Variants in ADAM22 observed in about 807,000 individuals in gnomAD.
The protein encoded by ADAM22 is disintegrin and metalloproteinase domain-containing protein 22.
Under a neutral mutation model 144.6 loss-of-function variants are expected in ADAM22, and 65 were observed. That is an observed-to-expected ratio of 0.45 (90% CI 0.37 to 0.55). The LOEUF (loss-of-function observed/expected upper bound fraction) is 0.55, where lower values mean the gene tolerates loss of function less well. Among genes scored for constraint, ADAM22 ranks in the 20% least tolerant of loss-of-function variants. The probability of loss-of-function intolerance (pLI) is 0.00; values close to 1 mark genes in which losing one functional copy is unlikely to be tolerated. For missense variants in ADAM22, 974 were observed against 1,184.9 expected (o/e 0.82, Z 2.61); for synonymous variants, 391 against 412.6 (o/e 0.95, Z 0.63).
At chr7:87,982,683 ATATATATATATATATAAT>A (rs1853883466) in intron 3 of ADAM22, among the ~76,000 whole-genome samples, 6 of 66,796 alleles carry the variant, frequency 9.0e-5, no homozygotes, top group Admixed American at 2.6e-4. Flanking sequence ...ATATATATAT[ATATATATATATATATAAT>A]TTTTTTTTTT....
intron 17 of ADAM22, among the ~76,000 whole-genome samples, chr7:88,148,689 A>G (rs1837331304): frequency 6.6e-6 from 1 of 152,174 alleles, no homozygotes; most frequent in African/African-American, 2.4e-5. Context: ...AGCTATTAGT[A>G]CAGAAAAATT....
At chr7:88,133,843 A>G (rs1047443734) in intron 12 of ADAM22, among the ~76,000 whole-genome samples, 1 of 152,204 alleles carries the variant, frequency 6.6e-6, no homozygotes, top group African/African-American at 2.4e-5. Context: ...TTAAGTTTCT[A>G]TTGGCCGAAG....
intron 3 of ADAM22, among the ~76,000 whole-genome samples, chr7:87,980,721 G>A: frequency 6.6e-6 from 1 of 152,184 alleles, no homozygotes; most frequent in Admixed American, 6.5e-5. Flanking sequence ...TAACCTTTGA[G>A]TAGTAACTTC....
intron 3 of ADAM22, among the ~76,000 whole-genome samples, chr7:88,017,535 A>G (rs1378342134): frequency 6.6e-6 from 1 of 152,100 alleles, no homozygotes; most frequent in Non-Finnish European, 1.5e-5. Context: ...AGGTTTATTC[A>G]TTTTAGTTTG....
chr7:87,953,613 G>A (rs974435532), intron 2 of ADAM22, among the ~76,000 whole-genome samples: 36 of 152,184 alleles, frequency 2.4e-4, no homozygotes, highest in African/African-American at 4.8e-4. Context: ...AAGAATGTAT[G>A]TTCTGTTGAT....
intron 3 of ADAM22, among the ~76,000 whole-genome samples, chr7:88,010,244 T>G (rs1795048162): frequency 6.6e-6 from 1 of 152,194 alleles, no homozygotes; most frequent in Admixed American, 6.5e-5. Context: ...AAATTTCAAA[T>G]GTGTCTGATA....
At position 88,179,027 on chromosome 7, in the gene ADAM22, C is replaced by T; in HGVS notation, c.2393C>T (p.Ser798Phe). 1 of 1,613,234 alleles carries T rather than the reference C, an allele frequency of 6.2e-7. No individual in the cohort carries two copies. Among genetic ancestry groups the T allele is most frequent in the Non-Finnish European group, 8.5e-7 (1 of 1,179,332 alleles). Residue 798 changes from serine to phenylalanine, a missense_variant, in exon 27 of 32, where the codon TCT becomes TTT. Physicochemically the swap from Ser to Phe is radical, Grantham distance 155 (BLOSUM62 -2). Around this residue, in one of 2 missense-constraint regions of ADAM22, gnomAD observed 734 missense variants for 950.6 expected, o/e 0.77. Coordinates refer to ENST00000413139, the MANE Select transcript of ADAM22 (RefSeq NM_001324418.2). The part of the protein sequence containing the change: ...IPPGVSTNSA[S>F]SSKKRSAFLS... ...CCCGGAGTCAGCACAAACTCAGCATCTAGTTCTAAGAAGAGGTCTGCTTTT... is the reference window on the plus strand; with the variant it reads ...CCCGGAGTCAGCACAAACTCAGCATTTAGTTCTAAGAAGAGGTCTGCTTTT...
chr7:88,142,665 C>T (rs962144521), intron 14 of ADAM22, among the ~76,000 whole-genome samples: 17 of 152,044 alleles, frequency 1.1e-4, no homozygotes, highest in East Asian at 5.8e-4. Flanking sequence ...GATGAAACCC[C>T]GTCTCTACTA....
At chr7:88,124,118 C>T (rs184712630) in intron 7 of ADAM22, among the ~76,000 whole-genome samples, 1 of 151,794 alleles carries the variant, frequency 6.6e-6, no homozygotes, top group East Asian at 1.9e-4. Flanking sequence ...TTAAAAATGC[C>T]AACTTAGTTA....
At chr7:88,120,935 T>C (rs755021990) in intron 7 of ADAM22, among the ~76,000 whole-genome samples, 3 of 152,198 alleles carry the variant, frequency 2.0e-5, no homozygotes, top group Non-Finnish European at 2.9e-5. Context: ...TTACTTTTTG[T>C]GCATGGTGAA....
chr7:87,987,906 G>T (rs1215985693), intron 3 of ADAM22, among the ~76,000 whole-genome samples: 1 of 152,164 alleles, frequency 6.6e-6, no homozygotes, highest in African/African-American at 2.4e-5. Flanking sequence ...TAATGAGTGT[G>T]TGGCAGATTG....
At chr7:88,037,908 A>T (rs933316464) in intron 3 of ADAM22, among the ~76,000 whole-genome samples, 3 of 152,232 alleles carry the variant, frequency 2.0e-5, no homozygotes, top group African/African-American at 7.2e-5. Context: ...AGAGAGTCTT[A>T]AATGCCTGTT....
intron 31 of ADAM22, among the ~76,000 whole-genome samples, chr7:88,195,585 G>A (rs1586680148): frequency 6.6e-6 from 1 of 152,018 alleles, no homozygotes; most frequent in South Asian, 2.1e-4. Flanking sequence ...TCGCGATCTC[G>A]GCTCACTGCA....
chr7:88,116,247 C>T (rs747064292), intron 6 of ADAM22, among the ~76,000 whole-genome samples: 2 of 151,838 alleles, frequency 1.3e-5, no homozygotes, highest in Non-Finnish European at 1.5e-5. Flanking sequence ...AAAAATGTGA[C>T]TTTTTATCTC....
chr7:88,104,083 C>T (rs1823706999), intron 4 of ADAM22, among the ~76,000 whole-genome samples: 1 of 152,080 alleles, frequency 6.6e-6, no homozygotes, highest in Admixed American at 6.6e-5. Context: ...TTTGTTGCAA[C>T]ATTATGACAG....
At chr7:88,016,000 T>G (rs1039322445) in intron 3 of ADAM22, among the ~76,000 whole-genome samples, 8 of 152,116 alleles carry the variant, frequency 5.3e-5, no homozygotes, top group Admixed American at 5.2e-4. Flanking sequence ...CTACAAAATA[T>G]TATTTTCCTT....
chr7:88,014,601 G>T (rs112808220), intron 3 of ADAM22, among the ~76,000 whole-genome samples: 1 of 152,090 alleles, frequency 6.6e-6, no homozygotes, highest in Non-Finnish European at 1.5e-5. Flanking sequence ...AAATTAGTCA[G>T]GGGTGGTGGC....
chr7:88,195,924 G>C (rs1048606599), intron 31 of ADAM22, among the ~76,000 whole-genome samples: 4 of 152,116 alleles, frequency 2.6e-5, no homozygotes, highest in African/African-American at 9.7e-5. Flanking sequence ...GATGTCAGTG[G>C]TTTTCTGTCG....
At chr7:88,106,239 C>T (rs1211342514) in intron 4 of ADAM22, among the ~76,000 whole-genome samples, 4 of 152,098 alleles carry the variant, frequency 2.6e-5, no homozygotes, top group Non-Finnish European at 5.9e-5. Flanking sequence ...TAAATGCAAC[C>T]GCAACCCTCA....
Sources: gnomAD v4.1 joint callset for allele counts (sites outside exome capture counted in the v4.1 genomes callset) on GRCh38, gnomAD v4.1.1 for gene constraint, gnomAD v4.1.1 regional missense constraint, MANE v1.5 for transcripts, NCBI Gene and HGNC (gene_info 2026-07-23, HGNC 2026-07-21) for gene names.